The following GRK4 variants were observed in gnomAD, a reference collection of about 807,000 sequenced individuals.
GRK4 encodes G protein-coupled receptor kinase 4.
A neutral mutation model predicts 77.9 loss-of-function variants in GRK4; 73 were observed. The observed-to-expected ratio is 0.94, with a 90% confidence interval of 0.78 to 1.14. GRK4 has a LOEUF of 1.14. Among genes scored for constraint, GRK4 ranks in the 50% most tolerant of loss-of-function variants. GRK4 has a pLI of 0.00. For synonymous variants in GRK4, 257 were observed against 254.4 expected (o/e 1.01, Z -0.10); for missense variants, 729 against 700.2 (o/e 1.04, Z -0.46).
At chr4:2,984,466 A>G in intron 1 of GRK4, 47 bp from the exon 2 acceptor site, 1 of 1,028,778 alleles carries the variant, frequency 9.7e-7, no homozygotes. Flanking sequence ...TTATAATTGG[A>G]TATTTCTGAC....
At chr4:3,003,528 T>C (rs1372150144) in intron 4 of GRK4, among the ~76,000 whole-genome samples, 1 of 151,884 alleles carries the variant, frequency 6.6e-6, no homozygotes, top group Non-Finnish European at 1.5e-5. Flanking sequence ...GTCCAAAAGG[T>C]TTATCCAAGT....
chr4:3,007,879 T>G, intron 6 of GRK4, 51 bp downstream of exon 6: 1 of 1,241,196 alleles, frequency 8.1e-7, no homozygotes, highest in Admixed American at 1.8e-5. Context: ...GGCACATGCC[T>G]GTAGTCCCAG....
chr4:3,017,853 A>G (rs1734970786), intron 8 of GRK4, among the ~76,000 whole-genome samples: 1 of 152,174 alleles, frequency 6.6e-6, no homozygotes, highest in South Asian at 2.1e-4. Flanking sequence ...CCTTCAGAAA[A>G]TCTCTAACAC....
At chr4:3,037,593 G>T (rs1741130119) in intron 14 of GRK4, 82 bp downstream of exon 14, 2 of 1,430,110 alleles carry the variant, frequency 1.4e-6, no homozygotes, top group African/African-American at 2.8e-5. Flanking sequence ...CCGTGTGTGT[G>T]TGTGTGTCTG....
intron 4 of GRK4, among the ~76,000 whole-genome samples, chr4:3,000,544 TTTTTCTTTTCTTTTC>T (rs755931695): frequency 1.5e-4 from 19 of 130,470 alleles, no homozygotes; most frequent in South Asian, 8.7e-4. Flanking sequence ...TTTTCTTTCT[TTTTTCTTTTCTTTTC>T]TTTTCTTTTC....
intron 1 of GRK4, among the ~76,000 whole-genome samples, chr4:2,968,448 A>G (rs1168479276): frequency 6.6e-6 from 1 of 152,156 alleles, no homozygotes; most frequent in Non-Finnish European, 1.5e-5. Flanking sequence ...GCAAATAGGA[A>G]ATTTATGGAG....
At chr4:2,979,245 A>C (rs1263317) in intron 1 of GRK4, among the ~76,000 whole-genome samples, 18,371 of 150,516 alleles carry the variant, frequency 0.12, 1,445 homozygotes, top group Non-Finnish European at 0.18. Context: ...ACAAAAAAAA[A>C]CCCCACAAAT....
intron 4 of GRK4, among the ~76,000 whole-genome samples, chr4:2,998,588 AAT>A (rs1728652210): frequency 6.6e-6 from 1 of 151,182 alleles, no homozygotes. Context: ...AAAAAAAAGA[AAT>A]TAAGAAAGCA....
intron 1 of GRK4, 116 bp from the exon 2 acceptor site, chr4:2,984,397 A>G (rs1040300138): frequency 1.9e-5 from 10 of 527,644 alleles, no homozygotes; most frequent in Admixed American, 3.3e-5. Context: ...ATTTTTATTC[A>G]TGATAGGTAC....
intron 15 of GRK4, chr4:3,038,899 G>A (rs901324999): frequency 2.4e-5 from 4 of 168,082 alleles, no homozygotes; most frequent in African/African-American, 9.5e-5. Flanking sequence ...CCCGCTGCAC[G>A]GGGAAAGTGG....
At chr4:2,964,546 T>C (rs910423546) in intron 1 of GRK4, among the ~76,000 whole-genome samples, 1 of 152,190 alleles carries the variant, frequency 6.6e-6, no homozygotes, top group South Asian at 2.1e-4. Context: ...TGGGAACTAC[T>C]CTGGGCGAGA....
At chr4:2,978,443 C>T (rs1024371523) in intron 1 of GRK4, among the ~76,000 whole-genome samples, 4 of 152,168 alleles carry the variant, frequency 2.6e-5, no homozygotes, top group Non-Finnish European at 4.4e-5. Context: ...GATGCACAGC[C>T]ATGGCGAGCC....
At chr4:2,976,630 TC>T (rs1721248469) in intron 1 of GRK4, among the ~76,000 whole-genome samples, 3 of 149,352 alleles carry the variant, frequency 2.0e-5, no homozygotes, top group Admixed American at 6.7e-5. Flanking sequence ...TTTCTTTCTT[TC>T]TTTTTTTTTT....
chr4:3,014,218 C>T (rs1219037242), intron 8 of GRK4, among the ~76,000 whole-genome samples: 1 of 151,962 alleles, frequency 6.6e-6, no homozygotes, highest in African/African-American at 2.4e-5. Context: ...TGTTTGCTCT[C>T]AGCCTCCAGT....
intron 15 of GRK4, among the ~76,000 whole-genome samples, chr4:3,039,296 C>T (rs79928743): frequency 0.038 from 5,743 of 152,226 alleles, 165 homozygotes; most frequent in African/African-American, 0.079. Context: ...TTTTTCCATG[C>T]AAAGTGTCTC....
intron 8 of GRK4, among the ~76,000 whole-genome samples, chr4:3,016,532 CAAAA>C (rs527985170): frequency 2.6e-5 from 2 of 77,246 alleles, no homozygotes; most frequent in Admixed American, 1.4e-4. Context: ...ACTCAATCTC[CAAAA>C]AAAAAAAAAA....
Position 2,992,261 on chromosome 4 carries a change from T to C in GRK4, c.308T>C (p.Leu103Pro), listed in dbSNP as rs1397512091. 6.2e-7 allele frequency: 1 copy of C among 1,608,480 alleles called. No individual in the cohort carries two copies. Among genetic ancestry groups the C allele is most frequent in the Non-Finnish European group, 8.5e-7 (1 of 1,175,044 alleles). Residue 103 changes from leucine (L) to proline (P), a missense_variant, in exon 4 of 16, where the codon CTG (leucine) becomes CCG (proline). Coordinates refer to ENST00000398052, the MANE Select transcript of GRK4 (RefSeq NM_182982.3). ...ADDEDRSDCGLSILDRFFNDK... is the reference protein window; with the variant it reads ...ADDEDRSDCGPSILDRFFNDK... Reference sequence around the variant, plus strand: ...GATGAGGACCGAAGTGATTGTGGACTGTCAATCTTAGATAGATTCTTCAAT... The same window carrying C: ...GATGAGGACCGAAGTGATTGTGGACCGTCAATCTTAGATAGATTCTTCAAT...
At chr4:2,966,046 A>C (rs1451361463) in intron 1 of GRK4, 1 of 156,920 alleles carries the variant, frequency 6.4e-6, no homozygotes, top group Non-Finnish European at 1.4e-5. Context: ...GATAAATACA[A>C]GTGCTCTATA....
At chr4:2,989,409 CT>C (rs974803665) in intron 3 of GRK4, among the ~76,000 whole-genome samples, 4 of 152,028 alleles carry the variant, frequency 2.6e-5, no homozygotes, top group African/African-American at 9.7e-5. Context: ...GATGATAATG[CT>C]TTTTTTATTT....
Sources: allele counts gnomAD v4.1 joint callset (sites outside exome capture counted in the v4.1 genomes callset), GRCh38; gene constraint gnomAD v4.1.1; transcripts MANE v1.5; gene names NCBI Gene and HGNC (gene_info 2026-07-23, HGNC 2026-07-21).